PTPRK: variants seen among roughly 807,000 people sequenced by gnomAD.
PTPRK encodes receptor-type tyrosine-protein phosphatase kappa.
Under a neutral mutation model 178.0 loss-of-function variants are expected in PTPRK, and 75 were observed. The ratio of observed to expected loss-of-function variants is 0.42; its 90% CI spans 0.35 to 0.51. The LOEUF (loss-of-function observed/expected upper bound fraction) is 0.51, where lower values mean the gene tolerates loss of function less well. Among genes scored for constraint, PTPRK ranks in the 20% least tolerant of loss-of-function variants. The pLI is 0.02. For synonymous variants in PTPRK, 637 were observed against 620.6 expected (o/e 1.03, Z -0.39); for missense variants, 1,441 against 1,797.8 (o/e 0.80, Z 3.59).
At chr6:127,990,165 A>G (rs976221453) in intron 21 of PTPRK, among the ~76,000 whole-genome samples, 7 of 152,080 alleles carry the variant, frequency 4.6e-5, no homozygotes, top group Admixed American at 4.6e-4. Flanking sequence ...CCTACAAGGC[A>G]CCACTTATCC....
At chr6:127,995,407 AG>A (rs748270533) in intron 18 of PTPRK, 54 bp downstream of exon 18, 1 of 1,475,692 alleles carries the variant, frequency 6.8e-7, no homozygotes, top group Non-Finnish European at 9.4e-7. Flanking sequence ...ATAAGCAAAA[AG>A]GTTCATATAT....
At chr6:128,218,868 T>G in intron 6 of PTPRK, 54 bp downstream of exon 6, 1 of 1,456,292 alleles carries the variant, frequency 6.9e-7, no homozygotes. Context: ...ACAGAGTTGC[T>G]TTTGTTCTAA....
At chr6:128,323,907 T>C (rs1829192253) in intron 2 of PTPRK, among the ~76,000 whole-genome samples, 1 of 152,122 alleles carries the variant, frequency 6.6e-6, no homozygotes, top group Non-Finnish European at 1.5e-5. Flanking sequence ...CGTGTGTATT[T>C]TGGAGAAATT....
chr6:128,167,580 T>C (rs1042329000), intron 7 of PTPRK, among the ~76,000 whole-genome samples: 5 of 152,002 alleles, frequency 3.3e-5, no homozygotes, highest in African/African-American at 1.2e-4. Flanking sequence ...ATACTTCATA[T>C]AACTAGGTGG....
At chr6:128,312,305 T>C (rs529248478) in intron 3 of PTPRK, among the ~76,000 whole-genome samples, 23 of 152,292 alleles carry the variant, frequency 1.5e-4, no homozygotes, top group African/African-American at 5.5e-4. Flanking sequence ...TTTTTAGGTG[T>C]TATGGCTGGC....
At chr6:128,051,084 G>A (rs1778928087) in intron 13 of PTPRK, among the ~76,000 whole-genome samples, 1 of 152,182 alleles carries the variant, frequency 6.6e-6, no homozygotes, top group East Asian at 1.9e-4. Flanking sequence ...TTCTGTTGGT[G>A]TCACTTGTCC....
chr6:128,047,232 G>A lies in PTPRK; in HGVS notation c.2194+17526C>T, dbSNP rs775632818. On this transcript the variant is annotated intron_variant, in intron 13 of 29. Transcript: ENST00000368226. Reference sequence around the variant, plus strand: ...CTTAATATTGGAATACATGTTTAAAGTGCAAGCTAGCACTGAAGTCAAAGA... The same window carrying A: ...CTTAATATTGGAATACATGTTTAAAATGCAAGCTAGCACTGAAGTCAAAGA... 4.5e-4 allele frequency among the ~76,000 whole-genome samples: 69 copies of A among 152,164 alleles called. 2 individuals are homozygous for A. The highest frequency in any genetic ancestry group is 1.0e-4 in the Non-Finnish European group (7 of 68,012).
At chr6:128,496,011 C>T (rs1854603034) in intron 1 of PTPRK, among the ~76,000 whole-genome samples, 1 of 152,016 alleles carries the variant, frequency 6.6e-6, no homozygotes, top group Non-Finnish European at 1.5e-5. Context: ...TCTTCTAAAC[C>T]CCCTATATTT....
chr6:128,236,641 C>T (rs527791230), intron 5 of PTPRK, among the ~76,000 whole-genome samples: 3 of 152,180 alleles, frequency 2.0e-5, no homozygotes, highest in Non-Finnish European at 4.4e-5. Context: ...GCCACTGCGC[C>T]CGACCCTAAA....
intron 13 of PTPRK, among the ~76,000 whole-genome samples, chr6:128,032,228 T>C (rs1335761966): frequency 2.6e-4 from 39 of 152,150 alleles, no homozygotes; most frequent in Admixed American, 2.6e-3. Flanking sequence ...GACTTAATCT[T>C]CCCTTCCAAT....
chr6:128,255,147 T>A (rs1245421492), intron 3 of PTPRK, among the ~76,000 whole-genome samples: 3 of 152,078 alleles, frequency 2.0e-5, no homozygotes, highest in African/African-American at 7.2e-5. Flanking sequence ...CCCGCCACCA[T>A]GCCCAGCCAA....
chr6:128,089,359 C>A (rs1786521051), intron 8 of PTPRK, among the ~76,000 whole-genome samples: 1 of 152,044 alleles, frequency 6.6e-6, no homozygotes, highest in Admixed American at 6.6e-5. Flanking sequence ...TGCATTTTAC[C>A]AATAGGCAAT....
At chr6:128,011,381 A>G (rs914154890) in intron 13 of PTPRK, among the ~76,000 whole-genome samples, 2 of 151,188 alleles carry the variant, frequency 1.3e-5, no homozygotes, top group African/African-American at 4.8e-5. Flanking sequence ...AATTCTCTGG[A>G]AGAGCAGTTC....
chr6:128,433,957 TTGAA>T (rs1369197013), intron 1 of PTPRK, among the ~76,000 whole-genome samples: 2 of 151,794 alleles, frequency 1.3e-5, no homozygotes, highest in South Asian at 4.2e-4. Context: ...AAAGAAATCT[TTGAA>T]TGATTTTGTA....
At chr6:128,221,776 C>T (rs1306409961) in intron 5 of PTPRK, among the ~76,000 whole-genome samples, 1 of 151,726 alleles carries the variant, frequency 6.6e-6, no homozygotes, top group Non-Finnish European at 1.5e-5. Context: ...CAGCAAGATC[C>T]CCCACTCATT....
intron 28 of PTPRK, 68 bp downstream of exon 28, chr6:127,973,596 T>G: frequency 6.4e-7 from 1 of 1,573,406 alleles, no homozygotes; most frequent in Non-Finnish European, 8.7e-7. Flanking sequence ...CCAGATAGTC[T>G]TTAACATTGA....
chr6:128,012,749 A>G (rs190019083), intron 13 of PTPRK, among the ~76,000 whole-genome samples: 15 of 151,556 alleles, frequency 9.9e-5, no homozygotes, highest in African/African-American at 3.6e-4. Context: ...TTTACCTAAA[A>G]AATTAAAACT....
In PTPRK at chr6:128,520,478, C is replaced by T. The variant is rs1469706730; in HGVS notation, c.-120G>A. ...GGTGAGGACGGTGAGAGGACAGCCG[C>T]CCGCCCGCCCTTTTTCCTTCTTCGC... On this transcript the variant is annotated 5_prime_UTR_variant, in exon 1 of 30. Coordinates refer to ENST00000368226, the MANE Select transcript of PTPRK (RefSeq NM_002844.4). 1.0e-5 allele frequency: 9 copies of T among 879,356 alleles called. No individual in the cohort carries two copies. The highest frequency in any genetic ancestry group is 1.6e-5 in the Non-Finnish European group (9 of 561,514). 54.5% of individuals were successfully genotyped at this position (879,356 alleles called of 1,614,324 possible). A position where few individuals can be genotyped will look rare whatever the true frequency, so the allele number is the denominator to read the frequency against.
intron 7 of PTPRK, among the ~76,000 whole-genome samples, chr6:128,119,847 T>C (rs1792164216): frequency 6.6e-6 from 1 of 152,056 alleles, no homozygotes; most frequent in Non-Finnish European, 1.5e-5. Context: ...AAGGAAAGTT[T>C]GGATGTATTC....
Sources: gnomAD v4.1 joint callset for allele counts (sites outside exome capture counted in the v4.1 genomes callset) on GRCh38, gnomAD v4.1.1 for gene constraint, MANE v1.5 for transcripts, NCBI Gene and HGNC (gene_info 2026-07-23, HGNC 2026-07-21) for gene names.